Variants in PSTPIP2 observed in about 807,000 individuals in gnomAD.
PSTPIP2 encodes the protein proline-serine-threonine phosphatase-interacting protein 2.
PSTPIP2 carries 33 observed loss-of-function variants against 63.3 expected under a neutral mutation model. That is an observed-to-expected ratio of 0.52 (90% CI 0.40 to 0.70). The LOEUF (loss-of-function observed/expected upper bound fraction) is 0.70. PSTPIP2 is among the 30% of genes least tolerant of loss of function. PSTPIP2 has a pLI of 0.00. For missense variants in PSTPIP2, 312 were observed against 400.7 expected, an observed-to-expected ratio of 0.78 and a Z score of 1.89; for synonymous variants, 125 against 132.7, an observed-to-expected ratio of 0.94 and a Z score of 0.40.
chr18:45,991,549 G>A (rs72642433), intron 12 of PSTPIP2, among the ~76,000 whole-genome samples: 36,612 of 152,064 alleles, frequency 0.24, 6,295 homozygotes, highest in African/African-American at 0.47. Flanking sequence ...ATTTAAAAAT[G>A]TAAAGACTAT....
intron 2 of PSTPIP2, among the ~76,000 whole-genome samples, chr18:46,026,890 A>G (rs1006326118): frequency 1.3e-5 from 2 of 152,164 alleles, no homozygotes; most frequent in Non-Finnish European, 2.9e-5. Context: ...AATTCCACCA[A>G]CTAAAACTAA....
chr18:45,995,768 G>A (rs1282938049), intron 9 of PSTPIP2, among the ~76,000 whole-genome samples: 1 of 152,170 alleles, frequency 6.6e-6, no homozygotes, highest in Non-Finnish European at 1.5e-5. Flanking sequence ...GAAGGGCGGG[G>A]GTAGTAGGGG....
intron 1 of PSTPIP2, among the ~76,000 whole-genome samples, chr18:46,044,824 C>G: frequency 6.6e-6 from 1 of 152,254 alleles, no homozygotes; most frequent in Non-Finnish European, 1.5e-5. Flanking sequence ...AAAAAACAAA[C>G]AACCCCATCA....
chr18:45,995,551 G>A (rs1045794820), intron 9 of PSTPIP2, among the ~76,000 whole-genome samples: 4 of 152,182 alleles, frequency 2.6e-5, no homozygotes, highest in Non-Finnish European at 5.9e-5. Context: ...CAGTGTTTTA[G>A]GAGAAGCATA....
intron 6 of PSTPIP2, among the ~76,000 whole-genome samples, chr18:46,000,963 C>T (rs1184016559): frequency 2.0e-5 from 3 of 152,014 alleles, no homozygotes; most frequent in South Asian, 2.1e-4. Flanking sequence ...AAAGAAAATA[C>T]GGCACATATA....
At chr18:46,050,623 A>T (rs1908552803) in intron 1 of PSTPIP2, among the ~76,000 whole-genome samples, 1 of 152,210 alleles carries the variant, frequency 6.6e-6, no homozygotes, top group South Asian at 2.1e-4. Flanking sequence ...AGCAATAAAG[A>T]TTATTTAAAT....
intron 1 of PSTPIP2, among the ~76,000 whole-genome samples, chr18:46,061,143 A>C (rs1267758083): frequency 1.3e-5 from 2 of 152,086 alleles, no homozygotes; most frequent in Non-Finnish European, 2.9e-5. Context: ...ATCCCTACTA[A>C]AAATACAACA....
intron 2 of PSTPIP2, chr18:46,029,016 A>T: frequency 1.2e-6 from 1 of 828,100 alleles, no homozygotes; most frequent in South Asian, 1.3e-5. Flanking sequence ...TGGTCGCTGG[A>T]TTAGATAACC....
intron 1 of PSTPIP2, among the ~76,000 whole-genome samples, chr18:46,048,134 A>C (rs60955201): frequency 6.6e-6 from 1 of 152,320 alleles, no homozygotes; most frequent in East Asian, 1.9e-4. Flanking sequence ...AAGGGTCCTA[A>C]GAAAGAGCCA....
chr18:46,014,799 G>C (rs1180439925), intron 4 of PSTPIP2, among the ~76,000 whole-genome samples: 1 of 152,146 alleles, frequency 6.6e-6, no homozygotes, highest in Admixed American at 6.5e-5. Context: ...TTGAATTTAA[G>C]GTGCCTTTGA....
chr18:46,064,360 G>A (rs945240035), intron 1 of PSTPIP2, among the ~76,000 whole-genome samples: 12 of 129,596 alleles, frequency 9.3e-5, no homozygotes, highest in African/African-American at 3.3e-4. Context: ...GAGTGACCTT[G>A]GCTCACTGCA....
intron 1 of PSTPIP2, among the ~76,000 whole-genome samples, chr18:46,045,844 A>T (rs1360685672): frequency 6.6e-6 from 1 of 152,166 alleles, no homozygotes; most frequent in African/African-American, 2.4e-5. Context: ...GCTCCTCAGG[A>T]GGCTGAAGAA....
intron 5 of PSTPIP2, among the ~76,000 whole-genome samples, chr18:46,008,498 G>A (rs1599709990): frequency 6.6e-6 from 1 of 151,200 alleles, no homozygotes; most frequent in South Asian, 2.1e-4. Context: ...TTTTAGTAGA[G>A]ACGGGGTTTT....
At chr18:46,012,319 A>G (rs1434262801) in intron 4 of PSTPIP2, among the ~76,000 whole-genome samples, 2 of 152,202 alleles carry the variant, frequency 1.3e-5, no homozygotes, top group Non-Finnish European at 2.9e-5. Context: ...CATTTTTTAG[A>G]AACGAAATTT....
At chr18:46,036,430 G>A (rs1907982758) in intron 2 of PSTPIP2, among the ~76,000 whole-genome samples, 1 of 152,116 alleles carries the variant, frequency 6.6e-6, no homozygotes, top group Non-Finnish European at 1.5e-5. Context: ...GCTGGGCCTT[G>A]GAATCTGCCC....
chr18:46,018,797 C>T (rs900513003), intron 3 of PSTPIP2, among the ~76,000 whole-genome samples: 5 of 152,244 alleles, frequency 3.3e-5, no homozygotes, highest in South Asian at 4.1e-4. Context: ...CTGAAAGACA[C>T]CTTTGATTCG....
rs142060515 is a variant in PSTPIP2 at position 46,036,182 on chromosome 18, G to A, written c.134+3765C>T. Among the ~76,000 whole-genome samples, 687 of 149,400 alleles carry A rather than the reference G, an allele frequency of 4.6e-3. 10 individuals are homozygous for A. Among genetic ancestry groups the A allele is most frequent in the Admixed American group, 0.028 (424 of 14,964 alleles). ...TTAATTGTTAATGTGTTATAATATT[G>A]ATTGTAACAATTAATTGTAGTAGTT... On this transcript the variant is annotated intron_variant, in intron 2 of 14. Coordinates refer to ENST00000409746, the MANE Select transcript of PSTPIP2 (RefSeq NM_024430.4).
At chr18:46,052,962 AAACAAGC>A (rs906881521) in intron 1 of PSTPIP2, among the ~76,000 whole-genome samples, 29 of 152,340 alleles carry the variant, frequency 1.9e-4, no homozygotes, top group African/African-American at 7.0e-4. Flanking sequence ...ATGAAAAAAC[AAACAAGC>A]ATAGATTGCA....
rs1895550813 is a variant in PSTPIP2, at chr18:45,991,940, T to C, written c.882A>G (p.Ala294=). 6.2e-7 allele frequency: 1 copy of C among 1,613,646 alleles called. No individual in the cohort carries two copies. The highest frequency in any genetic ancestry group is 1.3e-5 in the African/African-American group (1 of 74,928). The part of the protein sequence containing the change: ...YENFYSSQKN[A]VPAGKATGPN... The stretch of plus-strand genomic sequence containing the variant: ...GCCCTGTAGCCTTTCCTGCTGGGAC[T>C]GCATTCTTCTGGGAGGAGTAGAAAT... The change falls in exon 12 of 15, where the codon GCA becomes GCG. Residue 294 remains alanine, a synonymous_variant. Transcript: ENST00000409746.
Sources: gnomAD v4.1 joint callset for allele counts (sites outside exome capture counted in the v4.1 genomes callset) on GRCh38, gnomAD v4.1.1 for gene constraint, MANE v1.5 for transcripts, NCBI Gene and HGNC (gene_info 2026-07-23, HGNC 2026-07-21) for gene names.